CPAMD8: variants seen among roughly 807,000 people sequenced by gnomAD.
CPAMD8 encodes the protein C3 and PZP-like alpha-2-macroglobulin domain-containing protein 8.
CPAMD8 carries 146 observed loss-of-function variants against 224.7 expected under a neutral mutation model. The observed-to-expected ratio is 0.65, with a 90% confidence interval of 0.57 to 0.75. The LOEUF (loss-of-function observed/expected upper bound fraction) is 0.75, where lower values mean the gene tolerates loss of function less well. Among genes scored for constraint, CPAMD8 ranks in the 30% least tolerant of loss-of-function variants. CPAMD8 has a pLI of 0.00. For synonymous variants in CPAMD8, 966 were observed against 1,044.6 expected, an observed-to-expected ratio of 0.92 and a Z score of 1.45; for missense variants, 2,301 against 2,537.5, an observed-to-expected ratio of 0.91 and a Z score of 2.00.
At chr19:16,947,616 G>C (rs987325350) in intron 20 of CPAMD8, among the ~76,000 whole-genome samples, 3 of 152,182 alleles carry the variant, frequency 2.0e-5, no homozygotes, top group African/African-American at 7.2e-5. Flanking sequence ...TGCCTCTCCT[G>C]ACCCTCTTTC....
At chr19:16,944,191 G>C (rs902258430) in intron 22 of CPAMD8, among the ~76,000 whole-genome samples, 2 of 152,184 alleles carry the variant, frequency 1.3e-5, no homozygotes, top group South Asian at 4.1e-4. Context: ...ACAGTCCTCC[G>C]GTGGGAAGAG....
chr19:17,011,842 CA>C (rs925686105), intron 3 of CPAMD8, 85 bp from the exon 4 acceptor site: 4 of 1,459,962 alleles, frequency 2.7e-6, no homozygotes, highest in Non-Finnish European at 3.7e-6. Flanking sequence ...AGGCCTGGAA[CA>C]GGGGGAACTC....
chr19:16,942,520 T>A (rs2053935498), intron 22 of CPAMD8, among the ~76,000 whole-genome samples: 1 of 152,192 alleles, frequency 6.6e-6, no homozygotes, highest in Admixed American at 6.5e-5. Flanking sequence ...CAGGTATTTC[T>A]TTATAGCAAT....
intron 29 of CPAMD8, among the ~76,000 whole-genome samples, chr19:16,912,244 C>T (rs1010852078): frequency 6.6e-6 from 1 of 152,198 alleles, no homozygotes; most frequent in Non-Finnish European, 1.5e-5. Flanking sequence ...AAACTGGTCC[C>T]TTGTGCCAAA....
intron 8 of CPAMD8, among the ~76,000 whole-genome samples, chr19:17,003,724 G>C (rs1477533116): frequency 6.7e-6 from 1 of 149,374 alleles, no homozygotes. Context: ...GCTTCAGTGA[G>C]CCAAGATCGC....
At chr19:16,904,013 G>A (rs917525127) in intron 32 of CPAMD8, among the ~76,000 whole-genome samples, 156 bp from the exon 33 acceptor site, 1 of 152,196 alleles carries the variant, frequency 6.6e-6, no homozygotes, top group Admixed American at 6.5e-5. Flanking sequence ...GGGGCCTCAG[G>A]ACAGCCAGGT....
intron 21 of CPAMD8, 27 bp downstream of exon 21, chr19:16,947,047 A>T: frequency 1.3e-6 from 2 of 1,558,968 alleles, no homozygotes; most frequent in East Asian, 4.7e-5. Context: ...GAGAGGGGGG[A>T]CACCCCAAGA....
intron 2 of CPAMD8, among the ~76,000 whole-genome samples, chr19:17,021,350 A>G (rs1364236992): frequency 6.6e-6 from 1 of 152,176 alleles, no homozygotes; most frequent in Non-Finnish European, 1.5e-5. Context: ...AAGGGCTTCT[A>G]GAAGGTTCTA....
intron 22 of CPAMD8, among the ~76,000 whole-genome samples, chr19:16,941,915 A>G (rs1415437103): frequency 2.6e-5 from 4 of 152,014 alleles, no homozygotes; most frequent in Admixed American, 6.6e-5. Flanking sequence ...GGAGGTTGCA[A>G]TGAGCTGAGA....
At chr19:16,976,979 T>C (rs7248147) in intron 15 of CPAMD8, among the ~76,000 whole-genome samples, 66,399 of 150,060 alleles carry the variant, frequency 0.44, 16,819 homozygotes, top group African/African-American at 0.72. Context: ...GAGGCAGAGG[T>C]TGCAGTGAGC....
intron 41 of CPAMD8, chr19:16,894,270 G>A (rs921778551): frequency 2.0e-5 from 8 of 400,350 alleles, no homozygotes; most frequent in Middle Eastern, 3.6e-4. Flanking sequence ...CTAGGGACGG[G>A]CAGATCTCTG....
intron 30 of CPAMD8, among the ~76,000 whole-genome samples, chr19:16,905,569 GAA>G (rs397955787): frequency 1.4e-3 from 129 of 92,724 alleles, no homozygotes; most frequent in African/African-American, 3.4e-3. Context: ...AGGAAGAAAA[GAA>G]AAAAAAAAAA....
In CPAMD8 at chr19:16,922,041, C is replaced by A. The variant is rs1373123094; in HGVS notation, c.3548-55G>T. The A allele has an allele frequency of 4.2e-6, 5 of 1,204,162 alleles. No individual in the cohort carries two copies. In the Admixed American group the frequency reaches 6.2e-5, roughly 15 times the overall value. 74.6% of individuals were successfully genotyped at this position (1,204,162 alleles called of 1,614,324 possible). ...TGTTGAGTGGCCTGGCCCAGGCCCG[C>A]CCCCAGGGACCTACACCACTCTGCC... On this transcript the variant is annotated intron_variant, in intron 26 of 41. Transcript: ENST00000443236.
chr19:16,939,191 C>G (rs199574687), intron 22 of CPAMD8, among the ~76,000 whole-genome samples: 1 of 71,198 alleles, frequency 1.4e-5, no homozygotes, highest in African/African-American at 5.2e-5. Context: ...ATTTATTTAT[C>G]TATCTATCTA....
In CPAMD8 at chr19:16,902,742, C is replaced by T. The variant is rs1266534152; in HGVS notation, c.4592G>A (p.Gly1531Asp). Residue 1531 changes from glycine to aspartate, a missense_variant, in exon 35 of 42, where the codon GGT becomes GAT. Gly to Asp is a moderately conservative substitution (Grantham distance 94, BLOSUM62 -1). Coordinates refer to ENST00000443236, the MANE Select transcript of CPAMD8 (RefSeq NM_015692.5). The stretch of plus-strand genomic sequence containing the variant: ...AGCTGGGGGCCAGTCTCCTCGGGAA[C>T]CCTCAGCTGCGGAGGCAGGCATGGG... ...PPPMPASAAE[G>D]SRGDWPPADD... 2 of 1,597,416 alleles carry T rather than the reference C, an allele frequency of 1.3e-6. No individual in the cohort carries two copies. The highest frequency in any genetic ancestry group is 1.3e-5 in the African/African-American group (1 of 74,572).
chr19:16,925,402 G>A, intron 25 of CPAMD8, 30 bp from the exon 26 acceptor site: 1 of 1,581,040 alleles, frequency 6.3e-7, no homozygotes, highest in Admixed American at 1.7e-5. Flanking sequence ...AGTTGAGTTG[G>A]GGGCTGTCCC....
In CPAMD8 at chr19:16,928,926, CAGTTCTGCTGT is replaced by C. The variant is rs1235424303; in HGVS notation, c.3144+5_3144+15del. 10 of 1,572,454 alleles carry C rather than the reference CAGTTCTGCTGT, an allele frequency of 6.4e-6. No homozygotes were observed. Among genetic ancestry groups the C allele is most frequent in the Middle Eastern group, 1.7e-4 (1 of 5,882 alleles). On this transcript the variant is annotated splice_donor_5th_base_variant and intron_variant, in intron 24 of 41. Coordinates refer to ENST00000443236, the MANE Select transcript of CPAMD8 (RefSeq NM_015692.5). ...ATGAGGCTTCTGCACAAGCCCCAGG[CAGTTCTGCTGT>C]ATACCTGGATAAGGCCACCACGCCA...
At position 16,991,720 on chromosome 19, in the gene CPAMD8, T is replaced by TG. The variant is rs538066764; in HGVS notation, c.1266+1695dup. Among the ~76,000 whole-genome samples, 448 of 151,652 alleles carry TG rather than the reference T, an allele frequency of 3.0e-3. 2 individuals carry two copies. The highest frequency in any genetic ancestry group is 0.023 in the South Asian group (112 of 4,786). On this transcript the variant is annotated intron_variant, in intron 12 of 41. Transcript: ENST00000443236. ...AAATACAAAAATTAGCTGGGCGTGG[T>TG]GGGGGGCGCCTGTAATCCCAGCTAC...
chr19:17,003,237 G>T (rs1351586757), intron 8 of CPAMD8, among the ~76,000 whole-genome samples: 3 of 149,892 alleles, frequency 2.0e-5, no homozygotes, highest in Non-Finnish European at 4.4e-5. Context: ...GTCTCACTTT[G>T]TCACCCAAAC....
Sources: gnomAD v4.1 joint callset for allele counts (sites outside exome capture counted in the v4.1 genomes callset) on GRCh38, gnomAD v4.1.1 for gene constraint, MANE v1.5 for transcripts, NCBI Gene and HGNC (gene_info 2026-07-23, HGNC 2026-07-21) for gene names.